The following RTN1 variants were observed in gnomAD, a reference collection of about 807,000 sequenced individuals.
RTN1 encodes reticulon-1.
Under a neutral mutation model 65.5 loss-of-function variants are expected in RTN1, and 25 were observed. That is an observed-to-expected ratio of 0.38 (90% confidence interval 0.28 to 0.53). The LOEUF is 0.53. Ranked by LOEUF, RTN1 falls within the 20% of genes least tolerant of loss-of-function variation. RTN1 has a pLI of 0.79. For missense variants in RTN1, 983 were observed against 1,025.4 expected, an observed-to-expected ratio of 0.96 and a Z score of 0.57; for synonymous variants, 471 against 447.6, an observed-to-expected ratio of 1.05 and a Z score of -0.66.
chr14:59,697,959 G>C (rs557316513), intron 3 of RTN1, among the ~76,000 whole-genome samples: 1 of 152,260 alleles, frequency 6.6e-6, no homozygotes, highest in African/African-American at 2.4e-5. Flanking sequence ...GCCCAAAAAA[G>C]GGGATAAATG....
At chr14:59,620,486 T>G (rs1341091766) in intron 3 of RTN1, among the ~76,000 whole-genome samples, 2 of 152,200 alleles carry the variant, frequency 1.3e-5, no homozygotes, top group African/African-American at 4.8e-5. Flanking sequence ...CAAAGAAGGA[T>G]GTAAAATATC....
chr14:59,754,598 T>C (rs771800319), intron 1 of RTN1, among the ~76,000 whole-genome samples: 1 of 152,180 alleles, frequency 6.6e-6, no homozygotes, highest in Non-Finnish European at 1.5e-5. Flanking sequence ...CCCACCTTAC[T>C]GGGCTGCTAG....
intron 1 of RTN1, among the ~76,000 whole-genome samples, chr14:59,844,375 C>T (rs1319719293): frequency 1.3e-5 from 2 of 152,114 alleles, no homozygotes; most frequent in Non-Finnish European, 2.9e-5. Context: ...CTCACTGTCT[C>T]GAAAGCTTGC....
At position 59,767,054 on chromosome 14, in the gene RTN1, A is replaced by G. The variant is rs376955901; in HGVS notation, c.242-20573T>C. Among the ~76,000 whole-genome samples, 23 of 152,306 alleles carry G rather than the reference A, an allele frequency of 1.5e-4. No individual in the cohort carries two copies. The South Asian group carries it at 3.9e-3, about 26-fold the overall frequency. On this transcript the variant is annotated intron_variant, in intron 1 of 8. Coordinates refer to ENST00000267484, the MANE Select transcript of RTN1 (RefSeq NM_021136.3). The stretch of plus-strand genomic sequence containing the variant: ...ACAACAACAACAAAAAAACATAATT[A>G]TGCAGGCATAGCAGAGCCTGCTAAA...
chr14:59,641,710 T>C (rs1882785405), intron 3 of RTN1, among the ~76,000 whole-genome samples: 1 of 152,230 alleles, frequency 6.6e-6, no homozygotes, highest in Non-Finnish European at 1.5e-5. Flanking sequence ...GAAATTACAA[T>C]GTTCATCCTT....
At chr14:59,723,271 G>C in intron 3 of RTN1, among the ~76,000 whole-genome samples, 1 of 152,044 alleles carries the variant, frequency 6.6e-6, no homozygotes, top group East Asian at 1.9e-4. Flanking sequence ...AAGACAGTCA[G>C]TTTCAAGTAG....
chr14:59,668,529 G>C (rs923540791), intron 3 of RTN1, among the ~76,000 whole-genome samples: 9 of 152,136 alleles, frequency 5.9e-5, no homozygotes, highest in African/African-American at 2.2e-4. Context: ...ATACCATTCA[G>C]GACATAGGCA....
intron 1 of RTN1, among the ~76,000 whole-genome samples, chr14:59,833,511 AT>A (rs999594399): frequency 1.3e-5 from 2 of 152,176 alleles, no homozygotes; most frequent in African/African-American, 2.4e-5. Flanking sequence ...CACTAATTTT[AT>A]TTGAAAAAAA....
intron 3 of RTN1, among the ~76,000 whole-genome samples, chr14:59,620,370 A>G (rs1882223048): frequency 6.6e-6 from 1 of 152,322 alleles, no homozygotes; most frequent in East Asian, 1.9e-4. Flanking sequence ...GCATTGTCCA[A>G]TACAGTAGCA....
At chr14:59,809,405 A>ATT (rs573795123) in intron 1 of RTN1, among the ~76,000 whole-genome samples, 1 of 144,632 alleles carries the variant, frequency 6.9e-6, no homozygotes, top group African/African-American at 2.5e-5. Context: ...TTCTAGTGTC[A>ATT]TTTTTTTTTT....
rs78545529 is a variant in RTN1, at chr14:59,858,598, T to C, written c.241+11792A>G. On this transcript the variant is annotated intron_variant, in intron 1 of 8. Transcript: ENST00000267484. ...GCAAGAATTTGGTCTATAACAGATT[T>C]TACAAAAAATCTCATGCAATAGATG... is the stretch of plus-strand genomic sequence containing the variant. Among the ~76,000 whole-genome samples, 293 of 152,212 alleles carry C rather than the reference T, an allele frequency of 1.9e-3. 2 individuals carry two copies. Among genetic ancestry groups the C allele is most frequent in the Non-Finnish European group, 1.2e-3 (82 of 68,002 alleles).
At chr14:59,659,924 C>A (rs1380088131) in intron 3 of RTN1, among the ~76,000 whole-genome samples, 1 of 151,960 alleles carries the variant, frequency 6.6e-6, no homozygotes, top group African/African-American at 2.4e-5. Context: ...CTAAATGCCC[C>A]AATTAAAAGA....
chr14:59,660,637 T>C (rs532255561), intron 3 of RTN1, among the ~76,000 whole-genome samples: 1 of 152,248 alleles, frequency 6.6e-6, no homozygotes. Context: ...GAATGACTAC[T>C]GGGTAAATAA....
intron 3 of RTN1, among the ~76,000 whole-genome samples, chr14:59,715,414 A>G (rs1884513007): frequency 6.6e-6 from 1 of 152,258 alleles, no homozygotes; most frequent in Admixed American, 6.5e-5. Flanking sequence ...CAGGACTTAT[A>G]AATCATTCAA....
At chr14:59,843,734 AACTCAT>A (rs1401105458) in intron 1 of RTN1, among the ~76,000 whole-genome samples, 1 of 152,212 alleles carries the variant, frequency 6.6e-6, no homozygotes, top group Non-Finnish European at 1.5e-5. Flanking sequence ...AGAAACACAA[AACTCAT>A]AAAGCCTGTG....
intron 1 of RTN1, among the ~76,000 whole-genome samples, chr14:59,809,626 A>G (rs1235720612): frequency 6.6e-6 from 1 of 152,234 alleles, no homozygotes; most frequent in African/African-American, 2.4e-5. Flanking sequence ...TGTTGTAAGC[A>G]TGAACTTTCA....
Position 59,870,122 on chromosome 14 carries a change from T to C in RTN1, c.241+268A>G, listed in dbSNP as rs1183558723. Among the ~76,000 whole-genome samples, 1 of 152,194 alleles carries C rather than the reference T, an allele frequency of 6.6e-6. No homozygotes were observed. Among genetic ancestry groups the C allele is most frequent in the Non-Finnish European group, 1.5e-5 (1 of 68,034 alleles). On this transcript the variant is annotated intron_variant, in intron 1 of 8. Coordinates refer to ENST00000267484, the MANE Select transcript of RTN1 (RefSeq NM_021136.3). This position sits in a 1 kb window ranked among gnomAD's most constrained non-coding sequence, Gnocchi z 5.1. Reference sequence around the variant, plus strand: ...CAGCCAGAATGCTGCTGTTTGCCTATGAGAACAATTTTTAAAGCGGAAATA... The same window carrying C: ...CAGCCAGAATGCTGCTGTTTGCCTACGAGAACAATTTTTAAAGCGGAAATA...
In RTN1 at chr14:59,829,785, A is replaced by T. The variant is rs1887094858; in HGVS notation, c.241+40605T>A. 6.6e-6 allele frequency among the ~76,000 whole-genome samples: 1 copy of T among 151,982 alleles called. No individual in the cohort carries two copies. Among genetic ancestry groups the T allele is most frequent in the Non-Finnish European group, 1.5e-5 (1 of 68,030 alleles). ...ACTCACTCTTAAAACTTTTACCCTGAAGAGGCACACAACATTTCCACTCCT... is the reference window on the plus strand; with the variant it reads ...ACTCACTCTTAAAACTTTTACCCTGTAGAGGCACACAACATTTCCACTCCT... On this transcript the variant is annotated intron_variant, in intron 1 of 8. Transcript: ENST00000267484. This position sits in a 1 kb window ranked among gnomAD's most constrained non-coding sequence, Gnocchi z 4.3.
At chr14:59,719,460 T>G (rs185747764) in intron 3 of RTN1, among the ~76,000 whole-genome samples, 53 of 152,334 alleles carry the variant, frequency 3.5e-4, no homozygotes, top group African/African-American at 1.3e-3. Flanking sequence ...ATTTTCTTCT[T>G]AATGTCTACT....
Sources: gnomAD v4.1 joint callset for allele counts (sites outside exome capture counted in the v4.1 genomes callset) on GRCh38, gnomAD v4.1.1 for gene constraint, Gnocchi (gnomAD v3.1) non-coding constraint, MANE v1.5 for transcripts, NCBI Gene and HGNC (gene_info 2026-07-23, HGNC 2026-07-21) for gene names.